PAX3: variants seen among roughly 807,000 people sequenced by gnomAD.
The protein encoded by PAX3 is paired box 3.
A neutral mutation model predicts 51.6 loss-of-function variants in PAX3; 14 were observed. The observed-to-expected ratio is 0.27, with a 90% CI of 0.18 to 0.42. The LOEUF is 0.42. Ranked by LOEUF, PAX3 falls within the 10% of genes least tolerant of loss-of-function variation. The pLI is 1.00. For synonymous variants in PAX3, 280 were observed against 253.4 expected (o/e 1.11, Z -1.00); for missense variants, 540 against 642.8 (o/e 0.84, Z 1.73).
chr2:222,275,746 T>C (rs866760080), intron 4 of PAX3, among the ~76,000 whole-genome samples: 1 of 152,360 alleles, frequency 6.6e-6, no homozygotes. Context: ...TTTTAAATAC[T>C]TCAATGTTTT....
At position 222,236,556 on chromosome 2, in the gene PAX3, C is replaced by T. The variant is rs1030663389; in HGVS notation, c.587-4273G>A. 1.2e-4 allele frequency among the ~76,000 whole-genome samples: 18 copies of T among 152,118 alleles called. No individual in the cohort carries two copies. The South Asian group carries it at 2.7e-3, about 23-fold the overall frequency. On this transcript the variant is annotated intron_variant, in intron 4 of 8. Coordinates refer to ENST00000392070, the MANE Select transcript of PAX3 (RefSeq NM_181458.4). ...AAAGAATCTAATTCTAAATATTACACGGAAAGTAAAAACAAGGCTTTCTTT... is the reference window on the plus strand; with the variant it reads ...AAAGAATCTAATTCTAAATATTACATGGAAAGTAAAAACAAGGCTTTCTTT...
At chr2:222,284,327 G>T (rs372631739) in intron 4 of PAX3, among the ~76,000 whole-genome samples, 1 of 152,122 alleles carries the variant, frequency 6.6e-6, no homozygotes, top group East Asian at 1.9e-4. Flanking sequence ...AAAAAGCAAC[G>T]TATTTGTCAA....
chr2:222,297,210 G>A lies in PAX3; in HGVS notation c.89C>T (p.Ser30Phe), dbSNP rs1478008842. ...YPRSGFPLEV[S>F]TPLGQGRVNQ... ...GACGCGGCCCTGGCCGAGGGGAGTG[G>A]ACACTGTGGGAAGGTGAAAAAGAGA... is the stretch of plus-strand genomic sequence containing the variant. Residue 30 changes from serine (S) to phenylalanine (F), a missense_variant, in exon 2 of 9, where the codon TCC becomes TTC. Transcript: ENST00000392070. 1 of 1,570,324 alleles carries A rather than the reference G, an allele frequency of 6.4e-7. No homozygotes were observed. The highest frequency in any genetic ancestry group is 1.4e-5 in the African/African-American group (1 of 73,800).
chr2:222,261,294 T>G (rs1187774467), intron 4 of PAX3, among the ~76,000 whole-genome samples: 1 of 152,242 alleles, frequency 6.6e-6, no homozygotes, highest in Non-Finnish European at 1.5e-5. Flanking sequence ...TGAGGCTCAC[T>G]TGCTGAATCC....
At chr2:222,224,845 T>A (rs1692325203) in intron 5 of PAX3, among the ~76,000 whole-genome samples, 1 of 152,124 alleles carries the variant, frequency 6.6e-6, no homozygotes, top group Non-Finnish European at 1.5e-5. Flanking sequence ...TTTCTAGAAA[T>A]TTCCCCTTGT....
At chr2:222,279,304 C>CGTGTGT (rs57076966) in intron 4 of PAX3, among the ~76,000 whole-genome samples, 27,675 of 147,920 alleles carry the variant, frequency 0.19, 2,694 homozygotes, top group Middle Eastern at 0.35. Flanking sequence ...CAAGCCTGTG[C>CGTGTGT]GTGTGTGTGT....
intron 4 of PAX3, among the ~76,000 whole-genome samples, chr2:222,292,496 T>C (rs1695079542): frequency 6.6e-6 from 1 of 152,204 alleles, no homozygotes. Context: ...GGACGTTTTG[T>C]CTCCTGGGCC....
At chr2:222,234,918 A>G (rs1289187407) in intron 4 of PAX3, among the ~76,000 whole-genome samples, 1 of 152,190 alleles carries the variant, frequency 6.6e-6, no homozygotes. Context: ...TTCTTTCCAA[A>G]GTGAATTCAG....
chr2:222,202,278 G>T, intron 7 of PAX3, 88 bp from the exon 8 acceptor site: 1 of 1,041,504 alleles, frequency 9.6e-7, no homozygotes, highest in Non-Finnish European at 1.5e-6. Context: ...TGACAGTCCA[G>T]TTTTTATTTC....
chr2:222,293,487 G>C (rs562471100), intron 4 of PAX3: 2 of 714,450 alleles, frequency 2.8e-6, no homozygotes, highest in East Asian at 2.8e-5. Context: ...ATGGGGATCT[G>C]TACCCCTAGA....
intron 4 of PAX3, among the ~76,000 whole-genome samples, chr2:222,251,040 T>C (rs1227539773): frequency 6.6e-6 from 1 of 152,222 alleles, no homozygotes; most frequent in African/African-American, 2.4e-5. Flanking sequence ...TTTGTGGTCA[T>C]AACCACCCTC....
At chr2:222,284,186 A>G (rs1694745172) in intron 4 of PAX3, among the ~76,000 whole-genome samples, 1 of 152,260 alleles carries the variant, frequency 6.6e-6, no homozygotes, top group Admixed American at 6.5e-5. Context: ...GCAGAGCTAT[A>G]AAGACCTTTA....
At chr2:222,201,805 C>T in intron 8 of PAX3, 139 bp downstream of exon 8, 1 of 1,560,216 alleles carries the variant, frequency 6.4e-7, no homozygotes, top group East Asian at 2.3e-5. Context: ...CTGGAACAGT[C>T]AGCTGGCTTT....
chr2:222,255,568 C>T (rs1051318726), intron 4 of PAX3, among the ~76,000 whole-genome samples: 11 of 152,142 alleles, frequency 7.2e-5, no homozygotes, highest in Admixed American at 4.6e-4. Context: ...CCATGTCAGC[C>T]AGTCAGTGTT....
chr2:222,208,153 A>G (rs982303519), intron 7 of PAX3, among the ~76,000 whole-genome samples: 3 of 152,122 alleles, frequency 2.0e-5, no homozygotes, highest in African/African-American at 7.2e-5. Flanking sequence ...GTATTTGACT[A>G]TGTTAGACCC....
intron 7 of PAX3, among the ~76,000 whole-genome samples, chr2:222,213,622 G>A (rs1475227333): frequency 6.6e-6 from 1 of 152,116 alleles, no homozygotes; most frequent in Non-Finnish European, 1.5e-5. Context: ...TCTGCCCCCA[G>A]CTTTGTTTGA....
chr2:222,272,534 T>C (rs1369381038), intron 4 of PAX3, among the ~76,000 whole-genome samples: 2 of 152,242 alleles, frequency 1.3e-5, no homozygotes, highest in Non-Finnish European at 2.9e-5. Flanking sequence ...GGTTAAGTTT[T>C]GTTGATGGAG....
At chr2:222,287,126 G>A (rs1490142779) in intron 4 of PAX3, among the ~76,000 whole-genome samples, 1 of 152,230 alleles carries the variant, frequency 6.6e-6, no homozygotes, top group Non-Finnish European at 1.5e-5. Flanking sequence ...TCCCAACACT[G>A]TAGGGTAGAG....
chr2:222,297,387 T>C (rs1666807747), intron 1 of PAX3, among the ~76,000 whole-genome samples, 174 bp from the exon 2 acceptor site: 3 of 152,254 alleles, frequency 2.0e-5, no homozygotes, highest in Admixed American at 2.0e-4. Flanking sequence ...ATCACATTTG[T>C]TCAAATTATT....
Sources: gnomAD v4.1 joint callset for allele counts (sites outside exome capture counted in the v4.1 genomes callset) on GRCh38, gnomAD v4.1.1 for gene constraint, MANE v1.5 for transcripts, NCBI Gene and HGNC (gene_info 2026-07-23, HGNC 2026-07-21) for gene names.